The following DYM variants were observed in gnomAD, a reference collection of about 807,000 sequenced individuals.
DYM encodes the protein dymeclin, also known as dyggve-Melchior-Clausen syndrome protein.
In DYM, 78 loss-of-function variants were observed where a neutral mutation model predicts 93.1. The observed-to-expected ratio is 0.84, with a 90% CI of 0.70 to 1.01. The LOEUF (loss-of-function observed/expected upper bound fraction) is 1.01. Ranked by LOEUF, DYM falls within the 50% of genes least tolerant of loss-of-function variation. The pLI is 0.00. For missense variants in DYM, 789 were observed against 845.0 expected (o/e 0.93, Z 0.82); for synonymous variants, 321 against 319.7 (o/e 1.00, Z -0.04).
intron 1 of DYM, among the ~76,000 whole-genome samples, chr18:49,435,789 CA>C (rs1000522778): frequency 2.1e-4 from 32 of 151,324 alleles, no homozygotes; most frequent in Non-Finnish European, 2.8e-4. Context: ...CACTCCATCT[CA>C]AAAAAAACAA....
At chr18:49,063,307 CTTTT>C (rs200482925) in intron 17 of DYM, among the ~76,000 whole-genome samples, 4 of 135,528 alleles carry the variant, frequency 3.0e-5, no homozygotes, top group African/African-American at 5.3e-5. Context: ...GATTTCTTTT[CTTTT>C]TTTTTTTTTT....
intron 16 of DYM, among the ~76,000 whole-genome samples, chr18:49,106,619 A>G (rs933852161): frequency 6.6e-6 from 1 of 152,170 alleles, no homozygotes; most frequent in Non-Finnish European, 1.5e-5. Context: ...AAAATCTCTC[A>G]GCATTTGCTT....
At chr18:49,088,459 T>C (rs564233258) in intron 17 of DYM, among the ~76,000 whole-genome samples, 68 of 150,638 alleles carry the variant, frequency 4.5e-4, no homozygotes, top group Admixed American at 2.1e-3. Context: ...ATGCCTAATG[T>C]AAATGACAAG....
intron 1 of DYM, among the ~76,000 whole-genome samples, chr18:49,435,071 G>A (rs2148508954): frequency 1.3e-5 from 2 of 149,954 alleles, no homozygotes; most frequent in South Asian, 2.1e-4. Context: ...AGCACAGCAT[G>A]GTGGTGTGCG....
intron 13 of DYM, among the ~76,000 whole-genome samples, chr18:49,217,346 G>C (rs2093117384): frequency 6.6e-6 from 1 of 152,180 alleles, no homozygotes; most frequent in Non-Finnish European, 1.5e-5. Flanking sequence ...TATTATCCAG[G>C]AGAACTTCCC....
At chr18:49,107,719 C>T (rs1262685984) in intron 16 of DYM, among the ~76,000 whole-genome samples, 3 of 152,278 alleles carry the variant, frequency 2.0e-5, no homozygotes, top group African/African-American at 4.8e-5. Flanking sequence ...TACAGAACAG[C>T]GGATATTGGT....
intron 2 of DYM, among the ~76,000 whole-genome samples, chr18:49,408,475 T>C (rs992586627): frequency 6.6e-6 from 1 of 152,238 alleles, no homozygotes; most frequent in Non-Finnish European, 1.5e-5. Context: ...ACACTTCTGT[T>C]CTGATGAATG....
At chr18:49,203,111 C>T (rs1462437325) in intron 14 of DYM, among the ~76,000 whole-genome samples, 1 of 28,038 alleles carries the variant, frequency 3.6e-5, no homozygotes, top group Non-Finnish European at 8.4e-5. Flanking sequence ...GCGCCTCTGC[C>T]CGGCTGCCCC....
intron 1 of DYM, among the ~76,000 whole-genome samples, chr18:49,441,157 ATATT>A (rs2081475858): frequency 4.6e-5 from 1 of 21,966 alleles, no homozygotes; most frequent in African/African-American, 1.6e-4. Flanking sequence ...AATATAATAT[ATATT>A]ATATATTATA....
intron 1 of DYM, among the ~76,000 whole-genome samples, chr18:49,443,236 A>G (rs772194984): frequency 6.6e-6 from 1 of 152,226 alleles, no homozygotes; most frequent in Non-Finnish European, 1.5e-5. Flanking sequence ...TTCAGTGTCA[A>G]TAAAGTCTTA....
intron 17 of DYM, among the ~76,000 whole-genome samples, chr18:49,063,125 G>T (rs1350771651): frequency 2.0e-5 from 3 of 152,046 alleles, no homozygotes; most frequent in African/African-American, 7.2e-5. Flanking sequence ...ACAAATAAGA[G>T]AAAAAGCACA....
chr18:49,294,389 C>G (rs1291807526), intron 8 of DYM, among the ~76,000 whole-genome samples: 1 of 152,148 alleles, frequency 6.6e-6, no homozygotes, highest in East Asian at 1.9e-4. Flanking sequence ...GGCATTGAAA[C>G]TATAAATTAC....
chr18:49,235,331 C>T (rs1598815375), intron 13 of DYM, among the ~76,000 whole-genome samples: 1 of 152,118 alleles, frequency 6.6e-6, no homozygotes, highest in East Asian at 1.9e-4. Flanking sequence ...TTAGGTTTTT[C>T]TCTTATTCAC....
At chr18:49,327,829 G>A (rs879381320) in intron 8 of DYM, among the ~76,000 whole-genome samples, 1 of 152,186 alleles carries the variant, frequency 6.6e-6, no homozygotes, top group Non-Finnish European at 1.5e-5. Context: ...TTGAGTATGA[G>A]CTTTTGGCAT....
intron 1 of DYM, among the ~76,000 whole-genome samples, chr18:49,454,825 G>C (rs553679563): frequency 6.7e-6 from 1 of 149,262 alleles, no homozygotes; most frequent in Non-Finnish European, 1.5e-5. Context: ...GGAGAATGGC[G>C]TAGACCCAGG....
chr18:49,071,150 C>A (rs1487655601), intron 17 of DYM, among the ~76,000 whole-genome samples: 1 of 152,136 alleles, frequency 6.6e-6, no homozygotes, highest in Non-Finnish European at 1.5e-5. Context: ...ATGCCTGTAT[C>A]AACAGGAAAA....
intron 2 of DYM, among the ~76,000 whole-genome samples, chr18:49,395,670 G>T (rs2069978685): frequency 6.6e-6 from 1 of 151,468 alleles, no homozygotes; most frequent in Non-Finnish European, 1.5e-5. Context: ...ATAGGTATAT[G>T]AAAAATATAC....
intron 14 of DYM, among the ~76,000 whole-genome samples, chr18:49,203,464 T>TG (rs1555799123): frequency 6.9e-6 from 1 of 145,764 alleles, no homozygotes; most frequent in Admixed American, 6.7e-5. Flanking sequence ...CGTGTCTGTG[T>TG]GAAAGAAGTA....
Position 49,139,407 on chromosome 18 carries a change from C to A in DYM, c.1729-20481G>T, listed in dbSNP as rs144460000. Among the ~76,000 whole-genome samples the A allele has an allele frequency of 7.2e-5, 11 of 152,164 alleles. No homozygotes were observed. In the East Asian group the frequency reaches 2.1e-3, roughly 29 times the overall value. On this transcript the variant is annotated intron_variant, in intron 15 of 17. Transcript: ENST00000675505. The stretch of plus-strand genomic sequence containing the variant: ...CTATTGACTTCTTACTCTTAAAAAA[C>A]GAGGCATTCCCTCTTCTAAATTAAT...
Sources: gnomAD v4.1 joint callset for allele counts (sites outside exome capture counted in the v4.1 genomes callset) on GRCh38, gnomAD v4.1.1 for gene constraint, MANE v1.5 for transcripts, NCBI Gene and HGNC (gene_info 2026-07-23, HGNC 2026-07-21) for gene names.